Variants in XKR4 observed in about 807,000 individuals in gnomAD.
XKR4 encodes XK related 4, also known as XK-related protein 4.
A neutral mutation model predicts 53.9 loss-of-function variants in XKR4; 12 were observed. The observed-to-expected ratio is 0.22, with a 90% CI of 0.14 to 0.36. The LOEUF (loss-of-function observed/expected upper bound fraction) is 0.36. Among genes scored for constraint, XKR4 ranks in the 10% least tolerant of loss-of-function variants. The probability of loss-of-function intolerance (pLI) is 1.00; values close to 1 mark genes in which losing one functional copy is unlikely to be tolerated. For missense variants in XKR4, 799 were observed against 859.5 expected, an observed-to-expected ratio of 0.93 and a Z score of 0.88; for synonymous variants, 354 against 362.4, an observed-to-expected ratio of 0.98 and a Z score of 0.26.
At chr8:55,121,182 A>T (rs1315084948) in intron 1 of XKR4, among the ~76,000 whole-genome samples, 2 of 152,244 alleles carry the variant, frequency 1.3e-5, no homozygotes, top group Non-Finnish European at 2.9e-5. Flanking sequence ...AAACATCTGT[A>T]TGCAGGGTTT....
At chr8:55,402,436 G>A (rs989798028) in intron 2 of XKR4, among the ~76,000 whole-genome samples, 1 of 152,166 alleles carries the variant, frequency 6.6e-6, no homozygotes, top group Non-Finnish European at 1.5e-5. Flanking sequence ...CCTTCTCACT[G>A]GCCAATGTGG....
rs960916353 is a variant in XKR4 at position 55,488,319 on chromosome 8, A to C, written c.1007-34962A>C. Among the ~76,000 whole-genome samples the C allele has an allele frequency of 3.3e-5, 5 of 152,360 alleles. No individual in the cohort carries two copies. The East Asian group carries it at 9.6e-4, about 29-fold the overall frequency. The stretch of plus-strand genomic sequence containing the variant: ...TAAACATGCTCTTATCATATGATCC[A>C]GGAATCACATTCCTAGATATTTACT... On this transcript the variant is annotated intron_variant, in intron 2 of 2. Coordinates refer to ENST00000327381, the MANE Select transcript of XKR4 (RefSeq NM_052898.2).
At chr8:55,219,936 A>C (rs1817858518) in intron 1 of XKR4, among the ~76,000 whole-genome samples, 1 of 152,158 alleles carries the variant, frequency 6.6e-6, no homozygotes, top group African/African-American at 2.4e-5. Flanking sequence ...ATGTTTAGGC[A>C]ATGGATTTTT....
At chr8:55,368,263 T>C (rs1342846496) in intron 2 of XKR4, among the ~76,000 whole-genome samples, 4 of 152,152 alleles carry the variant, frequency 2.6e-5, no homozygotes, top group Non-Finnish European at 5.9e-5. Flanking sequence ...CCCACAATGA[T>C]CTTTCTATCA....
intron 1 of XKR4, among the ~76,000 whole-genome samples, chr8:55,283,903 C>T (rs1292140537): frequency 1.3e-5 from 2 of 152,124 alleles, no homozygotes; most frequent in African/African-American, 2.4e-5. Flanking sequence ...GAAGCAATTG[C>T]CCTTTGGTAA....
intron 1 of XKR4, among the ~76,000 whole-genome samples, chr8:55,221,962 A>T (rs1360643090): frequency 6.6e-6 from 1 of 152,148 alleles, no homozygotes; most frequent in African/African-American, 2.4e-5. Context: ...ATATTTGTTG[A>T]ATTGGAATGA....
chr8:55,110,466 C>T (rs1259054229), intron 1 of XKR4, among the ~76,000 whole-genome samples: 1 of 152,158 alleles, frequency 6.6e-6, no homozygotes, highest in Non-Finnish European at 1.5e-5. Context: ...ACTATTCTTT[C>T]TTCTTGATGA....
intron 1 of XKR4, among the ~76,000 whole-genome samples, chr8:55,328,304 G>T (rs539580297): frequency 6.6e-6 from 1 of 152,292 alleles, no homozygotes; most frequent in Admixed American, 6.5e-5. Flanking sequence ...TACTGAAACA[G>T]TACATGGTGA....
At chr8:55,501,081 A>T (rs1806429307) in intron 2 of XKR4, among the ~76,000 whole-genome samples, 1 of 152,222 alleles carries the variant, frequency 6.6e-6, no homozygotes, top group Non-Finnish European at 1.5e-5. Flanking sequence ...TACTGTAGAG[A>T]ATGCCGAGGC....
chr8:55,290,844 G>C (rs763464766), intron 1 of XKR4, among the ~76,000 whole-genome samples: 16 of 152,092 alleles, frequency 1.1e-4, no homozygotes, highest in Non-Finnish European at 1.5e-4. Context: ...AACAGACTTT[G>C]TCTCTTTAAT....
At chr8:55,508,138 G>T (rs1300934717) in intron 2 of XKR4, among the ~76,000 whole-genome samples, 1 of 151,980 alleles carries the variant, frequency 6.6e-6, no homozygotes, top group East Asian at 1.9e-4. Flanking sequence ...TTTACAAGCA[G>T]TGATGGCATG....
chr8:55,462,872 CAAAG>C (rs1805685226), intron 2 of XKR4, among the ~76,000 whole-genome samples: 1 of 152,030 alleles, frequency 6.6e-6, no homozygotes, highest in Non-Finnish European at 1.5e-5. Flanking sequence ...TCAAAAGAGA[CAAAG>C]AAGGCCATTA....
chr8:55,299,632 A>G (rs1819153294), intron 1 of XKR4, among the ~76,000 whole-genome samples: 1 of 152,194 alleles, frequency 6.6e-6, no homozygotes, highest in African/African-American at 2.4e-5. Flanking sequence ...GGGTGAAAAG[A>G]TGCAACATAT....
At chr8:55,105,047 T>C (rs1373477387) in intron 1 of XKR4, among the ~76,000 whole-genome samples, 4 of 152,226 alleles carry the variant, frequency 2.6e-5, no homozygotes, top group African/African-American at 9.6e-5. Context: ...TCTAGACTTA[T>C]GTAAATAATT....
chr8:55,411,412 T>C (rs1368217558), intron 2 of XKR4, among the ~76,000 whole-genome samples: 2 of 152,234 alleles, frequency 1.3e-5, no homozygotes, highest in Non-Finnish European at 2.9e-5. Flanking sequence ...TAAAAAATTA[T>C]CATTGTTATT....
At chr8:55,420,018 T>C (rs1210629391) in intron 2 of XKR4, among the ~76,000 whole-genome samples, 2 of 152,208 alleles carry the variant, frequency 1.3e-5, no homozygotes, top group Non-Finnish European at 2.9e-5. Flanking sequence ...ACTCCAACAA[T>C]TGTTATAAAA....
chr8:55,141,440 TGG>T (rs1816699972), intron 1 of XKR4, among the ~76,000 whole-genome samples: 1 of 152,068 alleles, frequency 6.6e-6, no homozygotes, highest in Non-Finnish European at 1.5e-5. Flanking sequence ...CCGTCTCTAC[TGG>T]GGCCCCAAAT....
At chr8:55,517,800 G>GC (rs1360797056) in intron 2 of XKR4, 2 of 78,270 alleles carry the variant, frequency 2.6e-5, no homozygotes, top group East Asian at 1.0e-3. Flanking sequence ...GAAATAAAGA[G>GC]AAAGAAGTCA....
intron 2 of XKR4, among the ~76,000 whole-genome samples, chr8:55,364,980 A>ATTAC (rs1197967292): frequency 6.6e-6 from 1 of 152,236 alleles, no homozygotes; most frequent in East Asian, 1.9e-4. Flanking sequence ...TAGTTAGGTT[A>ATTAC]ATTAGTTTAA....
Sources: gnomAD v4.1 joint callset for allele counts (sites outside exome capture counted in the v4.1 genomes callset) on GRCh38, gnomAD v4.1.1 for gene constraint, MANE v1.5 for transcripts, NCBI Gene and HGNC (gene_info 2026-07-23, HGNC 2026-07-21) for gene names.